Variants in ASPG observed in about 807,000 individuals in gnomAD.
ASPG encodes the protein asparaginase.
ASPG carries 53 observed loss-of-function variants against 63.2 expected under a neutral mutation model. That is an observed-to-expected ratio of 0.84 (90% confidence interval 0.67 to 1.05). The LOEUF (loss-of-function observed/expected upper bound fraction) is 1.05. Ranked by LOEUF, ASPG falls within the 50% of genes least tolerant of loss-of-function variation. The probability of loss-of-function intolerance (pLI) is 0.00; values close to 1 mark genes in which losing one functional copy is unlikely to be tolerated. For synonymous variants in ASPG, 370 were observed against 355.0 expected (o/e 1.04, Z -0.48); for missense variants, 741 against 794.4 (o/e 0.93, Z 0.81).
intron 1 of ASPG, among the ~76,000 whole-genome samples, chr14:104,090,068 A>G (rs1002120782): frequency 9.2e-5 from 14 of 152,172 alleles, no homozygotes; most frequent in African/African-American, 3.4e-4. Context: ...CAGCCTCCCA[A>G]AATTCTGGGA....
At chr14:104,104,123 C>T (rs1403341675) in intron 7 of ASPG, among the ~76,000 whole-genome samples, 181 bp from the exon 8 acceptor site, 1 of 152,208 alleles carries the variant, frequency 6.6e-6, no homozygotes, top group East Asian at 1.9e-4. Context: ...GTGGGGGGAG[C>T]AGCCCCCTCC....
At position 104,103,670 on chromosome 14, in the gene ASPG, G is replaced by T; in HGVS notation, c.748G>T (p.Ala250Ser). ...LLRLYPGIPA[A>S]LVRAFLQPPL... Reference sequence around the variant, plus strand: ...GCGCCTCTACCCTGGGATCCCTGCCGCCCTGGTAGGGACCGCCCCGGCCAT... The same window carrying T: ...GCGCCTCTACCCTGGGATCCCTGCCTCCCTGGTAGGGACCGCCCCGGCCAT... Residue 250 changes from alanine (A) to serine (S), a missense_variant, in exon 7 of 16, where the codon GCC (alanine) becomes TCC (serine). Physicochemically the swap from Ala to Ser is moderately conservative, Grantham distance 99. Transcript: ENST00000551177. 1 of 1,546,882 alleles carries T rather than the reference G, an allele frequency of 6.5e-7. No individual in the cohort carries two copies. The highest frequency in any genetic ancestry group is 1.2e-5 in the South Asian group (1 of 83,912).
At position 104,109,069 on chromosome 14, in the gene ASPG, G is replaced by A. The variant is rs542923854; in HGVS notation, c.1434-160G>A. 63 of 985,442 alleles carry A rather than the reference G, an allele frequency of 6.4e-5. No homozygotes were observed. The African/African-American group carries it at 9.4e-4, about 15-fold the overall frequency. The allele number at this position is 985,442 out of a possible 1,614,324, so 61.0% of individuals were successfully genotyped here. On this transcript the variant is annotated intron_variant, in intron 12 of 15. Transcript: ENST00000551177. This position sits in a 1 kb window ranked among gnomAD's most constrained non-coding sequence, Gnocchi z 4.8. ...TGATGTCACATGGGCCTAGGCAGAG[G>A]ATGGGGGGATGGGCCCTTGTCTGAG...
intron 11 of ASPG, 26 bp from the exon 12 acceptor site, chr14:104,107,156 G>A (rs539853432): frequency 1.6e-5 from 25 of 1,534,230 alleles, no homozygotes; most frequent in Admixed American, 7.9e-5. Flanking sequence ...CTCCCTCAGG[G>A]GTCGCATGTC....
intron 1 of ASPG, 134 bp downstream of exon 1, chr14:104,085,986 C>T (rs371505525): frequency 2.5e-6 from 2 of 816,068 alleles, no homozygotes; most frequent in East Asian, 3.3e-5. Context: ...TGAGGTCGCT[C>T]TCCTCCGGTT....
intron 1 of ASPG, among the ~76,000 whole-genome samples, chr14:104,090,124 TGTTTTGCTTGAGAGAAGAGGACACCAA>T (rs1405312135): frequency 1.3e-5 from 2 of 151,696 alleles, no homozygotes; most frequent in Non-Finnish European, 2.9e-5. Flanking sequence ...ACATATGGAG[TGTTTTGCTTGAGAGAAGAGGACACCAA>T]GAGAGTTTAG....
At chr14:104,095,733 G>A (rs974804044) in intron 4 of ASPG, 77 bp downstream of exon 4, 15 of 1,575,336 alleles carry the variant, frequency 9.5e-6, no homozygotes, top group African/African-American at 8.1e-5. Context: ...GTGGGCGGCC[G>A]CTGCGGGACC....
In ASPG at chr14:104,111,617, C is replaced by T. The variant is rs1449971134; in HGVS notation, c.1620+16C>T. On this transcript the variant is annotated intron_variant, in intron 14 of 15. Transcript: ENST00000551177. ...CCTGCACGTCGTGAGTGCCCCCACCCCCTGCACCCTCTCCAAAGGCTGCCA... is the reference window on the plus strand; with the variant it reads ...CCTGCACGTCGTGAGTGCCCCCACCTCCTGCACCCTCTCCAAAGGCTGCCA... The T allele has an allele frequency of 5.8e-6, 9 of 1,546,200 alleles. No homozygotes were observed. The South Asian group carries it at 9.5e-5, about 16-fold the overall frequency.
rs1235860333 is a variant in ASPG at position 104,103,560 on chromosome 14, C to T, written c.641-3C>T. ...CACCACACAGGCCCTTCCCTGTCCTCAGTCAACAGGGAGCTGGTGCGGAAG... is the reference window on the plus strand; with the variant it reads ...CACCACACAGGCCCTTCCCTGTCCTTAGTCAACAGGGAGCTGGTGCGGAAG... On this transcript the variant is annotated splice_polypyrimidine_tract_variant and splice_region_variant and intron_variant, in intron 6 of 15. Transcript: ENST00000551177. 3.2e-6 allele frequency: 5 copies of T among 1,547,638 alleles called. No individual in the cohort carries two copies. The highest frequency in any genetic ancestry group is 4.4e-6 in the Non-Finnish European group (5 of 1,146,490).
chr14:104,103,515 G>A (rs374127596), intron 6 of ASPG, 48 bp from the exon 7 acceptor site: 57 of 1,500,128 alleles, frequency 3.8e-5, no homozygotes, highest in Non-Finnish European at 4.9e-5. Context: ...TGGGGTCTCG[G>A]CTGGCAGGAG....
chr14:104,104,826 G>A (rs546788902), intron 9 of ASPG, 91 bp downstream of exon 9: 2 of 1,110,198 alleles, frequency 1.8e-6, no homozygotes, highest in African/African-American at 3.1e-5. Context: ...TGCCGGAAGA[G>A]CCTGGGGGCC....
At position 104,093,499 on chromosome 14, in the gene ASPG, G is replaced by A. The variant is rs1279005502; in HGVS notation, c.200G>A (p.Ser67Asn). Residue 67 changes from serine (S) to asparagine (N), a missense_variant, in exon 3 of 16, where the codon AGC (serine) becomes AAC (asparagine). Transcript: ENST00000551177. ...CTGTTTCTGTCCCGCAGCCCGGCCAGCCGCAACCAGAGGATTCTCTACACC... is the reference window on the plus strand; with the variant it reads ...CTGTTTCTGTCCCGCAGCCCGGCCAACCGCAACCAGAGGATTCTCTACACC... Reference protein sequence around the residue: ...SEDTLVLPPASRNQRILYTVL... With the variant: ...SEDTLVLPPANRNQRILYTVL... 2 of 1,612,608 alleles carry A rather than the reference G, an allele frequency of 1.2e-6. No individual in the cohort carries two copies. Among genetic ancestry groups the A allele is most frequent in the South Asian group, 2.2e-5 (2 of 91,074 alleles).
At position 104,107,284 on chromosome 14, in the gene ASPG, G is replaced by A; in HGVS notation, c.1372G>A (p.Val458Met). 1 of 1,608,482 alleles carries A rather than the reference G, an allele frequency of 6.2e-7. No homozygotes were observed. The highest frequency in any genetic ancestry group is 8.5e-7 in the Non-Finnish European group (1 of 1,177,324). The change falls in exon 12 of 16, where the codon GTG (valine) becomes ATG (methionine). Residue 458 changes from valine (V) to methionine (M), a missense_variant. Transcript: ENST00000551177. ...EAVTMLLQRGVDVNTRDTDGF... is the reference protein window; with the variant it reads ...EAVTMLLQRGMDVNTRDTDGF... ...AGTCACCATGCTGCTGCAGAGAGGTGTGGACGTGAACACCCGGGACACGGA... is the reference window on the plus strand; with the variant it reads ...AGTCACCATGCTGCTGCAGAGAGGTATGGACGTGAACACCCGGGACACGGA...
At chr14:104,103,029 C>G (rs2036947663) in intron 6 of ASPG, among the ~76,000 whole-genome samples, 1 of 152,242 alleles carries the variant, frequency 6.6e-6, no homozygotes, top group Non-Finnish European at 1.5e-5. Context: ...CAACCACTGA[C>G]CCGGTGGGCA....
chr14:104,094,329 C>T (rs2036500567), intron 3 of ASPG, among the ~76,000 whole-genome samples: 1 of 152,036 alleles, frequency 6.6e-6, no homozygotes, highest in South Asian at 2.1e-4. Flanking sequence ...TGTCCGTCCC[C>T]GCCCAGTTGG....
rs370848257 is a variant in ASPG at position 104,107,328 on chromosome 14, G to A, written c.1416G>A (p.Leu472=). Reference sequence around the variant, plus strand: ...ACACGGATGGCTTCAGCCCGCTGCTGCTGGCCGTGCGGGGCAGGTAATGGA... The same window carrying A: ...ACACGGATGGCTTCAGCCCGCTGCTACTGGCCGTGCGGGGCAGGTAATGGA... ...TRDTDGFSPL[L]LAVRGRHPGV... is the part of the protein sequence containing the mutation. Residue 472 remains leucine (L), a synonymous_variant, in exon 12 of 16, where the codon CTG becomes CTA. Transcript: ENST00000551177. The A allele has an allele frequency of 1.9e-6, 3 of 1,586,080 alleles. No individual in the cohort carries two copies. The highest frequency in any genetic ancestry group is 2.6e-6 in the Non-Finnish European group (3 of 1,164,242).
chr14:104,111,904 C>A lies in ASPG; in HGVS notation c.1621-16C>A. ...CAGTGGCCCCAAGGCAGCCCCTCCC[C>A]ACTGCTTCCCCATAGGCAGAGGCAG... On this transcript the variant is annotated splice_polypyrimidine_tract_variant and intron_variant, in intron 14 of 15. Coordinates refer to ENST00000551177, the MANE Select transcript of ASPG (RefSeq NM_001080464.3). 6.4e-7 allele frequency: 1 copy of A among 1,550,574 alleles called. No individual in the cohort carries two copies. The highest frequency in any genetic ancestry group is 8.7e-7 in the Non-Finnish European group (1 of 1,146,656).
At chr14:104,095,405 C>A in intron 3 of ASPG, 126 bp from the exon 4 acceptor site, 1 of 1,349,150 alleles carries the variant, frequency 7.4e-7, no homozygotes, top group Non-Finnish European at 1.0e-6. Context: ...GACTTCCAGG[C>A]CAGGGTCCCA....
At chr14:104,107,428 C>T (rs760464655) in intron 12 of ASPG, 83 bp downstream of exon 12, 113 of 1,269,738 alleles carry the variant, frequency 8.9e-5, no homozygotes, top group East Asian at 5.2e-4. Context: ...AACAGCCTCC[C>T]GGGGCTGGGC....
Sources: gnomAD v4.1 joint callset for allele counts (sites outside exome capture counted in the v4.1 genomes callset) on GRCh38, gnomAD v4.1.1 for gene constraint, Gnocchi (gnomAD v3.1) non-coding constraint, MANE v1.5 for transcripts, NCBI Gene and HGNC (gene_info 2026-07-23, HGNC 2026-07-21) for gene names.